Variants in CPQ observed in about 807,000 individuals in gnomAD.
The protein encoded by CPQ is Ser-Met dipeptidase.
In CPQ, 37 loss-of-function variants were observed where a neutral mutation model predicts 45.7. The observed-to-expected ratio is 0.81, with a 90% CI of 0.62 to 1.07. CPQ has a LOEUF of 1.07. Ranked by LOEUF, CPQ falls within the 50% of genes least tolerant of loss-of-function variation. CPQ has a pLI of 0.00. For missense variants in CPQ, 537 were observed against 572.9 expected (o/e 0.94, Z 0.64); for synonymous variants, 186 against 205.8 (o/e 0.90, Z 0.82).
chr8:96,700,467 C>A lies in CPQ; in HGVS notation c.-35+55065C>A, dbSNP rs149495318. On this transcript the variant is annotated intron_variant, in intron 1 of 7. Transcript: ENST00000220763. ...TGAGTGCGTGGACCAGTGACTGAGACACAAAATGGAGATGCAGTTGTCTCT... is the reference window on the plus strand; with the variant it reads ...TGAGTGCGTGGACCAGTGACTGAGAAACAAAATGGAGATGCAGTTGTCTCT... Among the ~76,000 whole-genome samples the A allele has an allele frequency of 2.2e-4, 33 of 152,170 alleles. 1 individual carries two copies. Among genetic ancestry groups the A allele is most frequent in the Admixed American group, 7.8e-4 (12 of 15,288 alleles).
intron 3 of CPQ, among the ~76,000 whole-genome samples, chr8:96,847,049 C>T (rs1172310502): frequency 1.3e-5 from 2 of 152,168 alleles, no homozygotes; most frequent in Non-Finnish European, 2.9e-5. Context: ...TAATGTCATG[C>T]CCCTCATTGC....
intron 1 of CPQ, among the ~76,000 whole-genome samples, chr8:96,682,472 G>C (rs1046484004): frequency 6.6e-6 from 1 of 152,178 alleles, no homozygotes. Flanking sequence ...GAACTGTAAG[G>C]CCATTAAGCA....
At chr8:96,832,659 C>T (rs1563508221) in intron 2 of CPQ, among the ~76,000 whole-genome samples, 1 of 152,152 alleles carries the variant, frequency 6.6e-6, no homozygotes, top group Non-Finnish European at 1.5e-5. Flanking sequence ...CCAGGGAATG[C>T]TCCCTAAAGA....
At chr8:96,794,123 TG>T (rs1031623537) in intron 2 of CPQ, among the ~76,000 whole-genome samples, 2 of 152,180 alleles carry the variant, frequency 1.3e-5, no homozygotes, top group African/African-American at 4.8e-5. Flanking sequence ...GGACTCTGTG[TG>T]GGGGCTCTGA....
chr8:96,867,953 C>T (rs1403040123), intron 3 of CPQ, among the ~76,000 whole-genome samples: 3 of 152,042 alleles, frequency 2.0e-5, no homozygotes, highest in Non-Finnish European at 4.4e-5. Flanking sequence ...ATTTCTGGCT[C>T]TTCACCTGCA....
At chr8:96,775,451 CA>C (rs1186451388) in intron 1 of CPQ, among the ~76,000 whole-genome samples, 1 of 152,060 alleles carries the variant, frequency 6.6e-6, no homozygotes, top group Non-Finnish European at 1.5e-5. Context: ...GTGAATGTGA[CA>C]GCAACATATG....
chr8:97,076,912 T>G (rs776411539), intron 7 of CPQ, among the ~76,000 whole-genome samples: 1 of 152,200 alleles, frequency 6.6e-6, no homozygotes, highest in Non-Finnish European at 1.5e-5. Context: ...TAACTACTAA[T>G]GAGCTACTGT....
intron 5 of CPQ, among the ~76,000 whole-genome samples, chr8:96,985,972 A>C (rs1353524515): frequency 6.6e-6 from 1 of 152,228 alleles, no homozygotes; most frequent in Non-Finnish European, 1.5e-5. Context: ...AAACTGGTTC[A>C]TAGAGTCCCT....
intron 5 of CPQ, among the ~76,000 whole-genome samples, chr8:96,993,771 C>G (rs551261161): frequency 6.6e-6 from 1 of 152,128 alleles, no homozygotes; most frequent in African/African-American, 2.4e-5. Context: ...CAAGTTAATA[C>G]ATTCAGGTAT....
intron 5 of CPQ, among the ~76,000 whole-genome samples, chr8:96,974,906 A>C (rs973647379): frequency 1.3e-5 from 2 of 152,144 alleles, no homozygotes; most frequent in Non-Finnish European, 2.9e-5. Flanking sequence ...GCCTAAACCA[A>C]AAATCTGAAA....
At chr8:96,713,000 T>G in intron 1 of CPQ, among the ~76,000 whole-genome samples, 1 of 152,140 alleles carries the variant, frequency 6.6e-6, no homozygotes, top group Non-Finnish European at 1.5e-5. Flanking sequence ...TCTCTCAAGT[T>G]CAAAGTTACA....
intron 1 of CPQ, among the ~76,000 whole-genome samples, chr8:96,702,076 G>A (rs369428756): frequency 7.5e-4 from 115 of 152,330 alleles, no homozygotes; most frequent in African/African-American, 2.6e-3. Context: ...GTGCTGGCAA[G>A]ATGGTGCTTT....
At chr8:97,014,945 T>C (rs1809554289) in intron 5 of CPQ, among the ~76,000 whole-genome samples, 1 of 152,158 alleles carries the variant, frequency 6.6e-6, no homozygotes, top group Admixed American at 6.5e-5. Context: ...TGTTTGGTGT[T>C]GAAAAGGGAT....
chr8:97,109,908 G>T (rs995602337), intron 7 of CPQ, among the ~76,000 whole-genome samples: 1 of 151,692 alleles, frequency 6.6e-6, no homozygotes, highest in African/African-American at 2.4e-5. Context: ...ATTCTTTAAG[G>T]GTTATTCTCC....
chr8:96,920,115 A>AT (rs1215073530), intron 4 of CPQ, among the ~76,000 whole-genome samples: 1 of 152,198 alleles, frequency 6.6e-6, no homozygotes, highest in Non-Finnish European at 1.5e-5. Flanking sequence ...TTTGTTATAT[A>AT]TATCATGACA....
At chr8:97,056,861 G>A (rs1279371432) in intron 6 of CPQ, among the ~76,000 whole-genome samples, 1 of 152,116 alleles carries the variant, frequency 6.6e-6, no homozygotes, top group African/African-American at 2.4e-5. Context: ...TAGGGTATTT[G>A]CTGAGGCCAA....
intron 3 of CPQ, among the ~76,000 whole-genome samples, chr8:96,848,532 C>T (rs1811729584): frequency 6.6e-6 from 1 of 152,144 alleles, no homozygotes; most frequent in Admixed American, 6.5e-5. Context: ...TATGACAGTG[C>T]TTTTGTGTTG....
chr8:97,059,765 G>T (rs1031773583), intron 6 of CPQ, among the ~76,000 whole-genome samples: 1 of 152,096 alleles, frequency 6.6e-6, no homozygotes, highest in African/African-American at 2.4e-5. Flanking sequence ...TTGCTTTTGA[G>T]AACTTGTTTT....
intron 5 of CPQ, among the ~76,000 whole-genome samples, chr8:96,981,449 A>G (rs1813894251): frequency 6.6e-6 from 1 of 152,174 alleles, no homozygotes; most frequent in East Asian, 1.9e-4. Flanking sequence ...GCCATCCCAT[A>G]TTCACTTGTT....
Sources: allele counts gnomAD v4.1 joint callset (sites outside exome capture counted in the v4.1 genomes callset), GRCh38; gene constraint gnomAD v4.1.1; transcripts MANE v1.5; gene names NCBI Gene and HGNC (gene_info 2026-07-23, HGNC 2026-07-21).